Variants in SRRM2 observed in about 807,000 individuals in gnomAD.
The protein encoded by SRRM2 is serine/arginine repetitive matrix 2, also known as serine/arginine repetitive matrix protein 2.
A neutral mutation model predicts 213.8 loss-of-function variants in SRRM2; 30 were observed. The ratio of observed to expected loss-of-function variants is 0.14; its 90% CI spans 0.10 to 0.19. The LOEUF is 0.19. Among genes scored for constraint, SRRM2 ranks in the 10% least tolerant of loss-of-function variants. The pLI is 1.00. For synonymous variants in SRRM2, 2,025 were observed against 1,377.7 expected (o/e 1.47, Z -10.40); for missense variants, 4,904 against 3,647.0 (o/e 1.34, Z -8.88).
At chr16:2,768,856 A>G (rs886589772) in intron 11 of SRRM2, 141 bp from the exon 12 acceptor site, 7 of 1,522,804 alleles carry the variant, frequency 4.6e-6, no homozygotes, top group Non-Finnish European at 6.2e-6. Context: ...CTCTCCAGAG[A>G]ATTGCTGGCT....
In SRRM2 at chr16:2,759,231, C is replaced by T. The variant is rs1041867423; in HGVS notation, c.689+59C>T. On this transcript the variant is annotated intron_variant, in intron 7 of 14. Transcript: ENST00000301740. ...GCATGTGGAGTGGTGATTTTTTTTT[C>T]TTGGAGTGAAGCTCAATTCCTTGAT... 9.4e-6 allele frequency: 15 copies of T among 1,601,014 alleles called. No homozygotes were observed. The African/African-American group carries it at 1.5e-4, about 16-fold the overall frequency.
At chr16:2,759,520 C>G (rs370809600) in intron 8 of SRRM2, 49 bp from the exon 9 acceptor site, 1 of 1,607,654 alleles carries the variant, frequency 6.2e-7, no homozygotes. Context: ...GAGGAGAATC[C>G]AGGGCAGGTA....
At chr16:2,759,746 G>C (rs2068273364) in intron 9 of SRRM2, 85 bp downstream of exon 9, 9 of 1,300,038 alleles carry the variant, frequency 6.9e-6, no homozygotes, top group Non-Finnish European at 2.2e-6. Flanking sequence ...CGGTGTGCTA[G>C]GCGCTGCACA....
At position 2,764,984 on chromosome 16, in the gene SRRM2, C is replaced by G. The variant is rs147203120; in HGVS notation, c.4456C>G (p.Pro1486Ala). The change falls in exon 11 of 15, where the codon CCG (proline) becomes GCG (alanine). Residue 1486 changes from proline to alanine, a missense_variant. By Grantham distance (27) the Pro-to-Ala change is conservative. Coordinates refer to ENST00000301740, the MANE Select transcript of SRRM2 (RefSeq NM_016333.4). ...GRSECDSSPE[P>A]KALPQTPRPR... ...AAGCGAATGTGATTCTTCCCCAGAA[C>G]CGAAAGCTTTGCCTCAGACTCCTAG... The G allele has an allele frequency of 9.3e-6, 15 of 1,613,944 alleles. No individual in the cohort carries two copies. In the African/African-American group the frequency reaches 1.6e-4, roughly 17 times the overall value.
At chr16:2,770,493 C>T (rs1008926465) in intron 13 of SRRM2, 28 bp downstream of exon 13, 2 of 1,586,794 alleles carry the variant, frequency 1.3e-6, no homozygotes, top group Admixed American at 1.8e-5. Flanking sequence ...TGTCAGCACC[C>T]AGCCTGTCTG....
In SRRM2 at chr16:2,765,323, G is replaced by C; in HGVS notation, c.4795G>C (p.Gly1599Arg). Residue 1599 changes from glycine (G) to arginine (R), a missense_variant, in exon 11 of 15, where the codon GGT becomes CGT. Gly to Arg is a moderately radical substitution (Grantham distance 125). Transcript: ENST00000301740. ...SRLSPRRSRSGSSPEVKDKPR... is the reference protein window; with the variant it reads ...SRLSPRRSRSRSSPEVKDKPR... ...ACTATCCCCTCGGCGCAGTAGGTCT[G>C]GTTCCTCCCCTGAAGTGAAAGATAA... 1 of 1,614,122 alleles carries C rather than the reference G, an allele frequency of 6.2e-7. No individual in the cohort carries two copies. Among genetic ancestry groups the C allele is most frequent in the African/African-American group, 1.3e-5 (1 of 75,004 alleles).
At chr16:2,769,383 G>T in intron 12 of SRRM2, 99 bp downstream of exon 12, 1 of 1,378,178 alleles carries the variant, frequency 7.3e-7, no homozygotes, top group Non-Finnish European at 9.8e-7. Context: ...GTCTCACGTG[G>T]CCTTGGGCAT....
Position 2,765,867 on chromosome 16 carries a change from A to G in SRRM2, c.5339A>G (p.Glu1780Gly). The G allele has an allele frequency of 6.2e-7, 1 of 1,614,138 alleles. No individual in the cohort carries two copies. Residue 1780 changes from glutamate to glycine, a missense_variant, in exon 11 of 15, where the codon GAG becomes GGG. Physicochemically the swap from Glu to Gly is moderately conservative, Grantham distance 98. Transcript: ENST00000301740. Reference sequence around the variant, plus strand: ...AGGTCCCGTTCCCGCTCAAGGAGAGAGAAAACAAGAACAACCCGACGTCGA... The same window carrying G: ...AGGTCCCGTTCCCGCTCAAGGAGAGGGAAAACAAGAACAACCCGACGTCGA... ...LQRSRSRSRREKTRTTRRRDR... is the reference protein window; with the variant it reads ...LQRSRSRSRRGKTRTTRRRDR...
In SRRM2 at chr16:2,760,297, G is replaced by T; in HGVS notation, c.834-4G>T. 6.2e-7 allele frequency: 1 copy of T among 1,612,214 alleles called. No homozygotes were observed. The highest frequency in any genetic ancestry group is 8.5e-7 in the Non-Finnish European group (1 of 1,179,762). On this transcript the variant is annotated splice_polypyrimidine_tract_variant and splice_region_variant and intron_variant, in intron 9 of 14. Coordinates refer to ENST00000301740, the MANE Select transcript of SRRM2 (RefSeq NM_016333.4). Reference sequence around the variant, plus strand: ...TCTCCCACGTCCTCAATTAACTCCTGCAGGTCTCGAAGTGCTGCAGCTAAA... The same window carrying T: ...TCTCCCACGTCCTCAATTAACTCCTTCAGGTCTCGAAGTGCTGCAGCTAAA...
intron 14 of SRRM2, 69 bp downstream of exon 14, chr16:2,770,786 T>G: frequency 6.2e-7 from 1 of 1,610,568 alleles, no homozygotes; most frequent in Non-Finnish European, 8.5e-7. Flanking sequence ...GGCCCCATTT[T>G]GGGAGTGGCC....
Position 2,770,387 on chromosome 16 carries a change from G to C in SRRM2, c.8057G>C (p.Arg2686Thr), listed in dbSNP as rs1008457769. The change falls in exon 13 of 15, where the codon AGG becomes ACG. Residue 2686 changes from arginine to threonine, a missense_variant. Transcript: ENST00000301740. ...CCCCGGAAGCCAATAGACTCCCTCA[G>C]GGACTCTCGGTCCCTCAGCTACTCG... ...RSPRKPIDSLRDSRSLSYSPV... is the reference protein window; with the variant it reads ...RSPRKPIDSLTDSRSLSYSPV... The C allele has an allele frequency of 6.2e-7, 1 of 1,608,716 alleles. No individual in the cohort carries two copies. Among genetic ancestry groups the C allele is most frequent in the African/African-American group, 1.3e-5 (1 of 74,818 alleles).
rs2068463425 is a variant in SRRM2, at chr16:2,764,279, C to G, written c.3751C>G (p.Gln1251Glu). The change falls in exon 11 of 15, where the codon CAA becomes GAA. Residue 1251 changes from glutamine (Q) to glutamate (E), a missense_variant. By Grantham distance (29) the Gln-to-Glu change is conservative. Transcript: ENST00000301740. ...AGAGAAGTCTGAAGAACCCGCAGGC[C>G]AAATCCTGTCTCATTTGTCTTCAGA... ...VVEKSEEPAGQILSHLSSELK... is the reference protein window; with the variant it reads ...VVEKSEEPAGEILSHLSSELK... The G allele has an allele frequency of 9.3e-6, 15 of 1,613,904 alleles. No homozygotes were observed. Among genetic ancestry groups the G allele is most frequent in the Admixed American group, 1.7e-5 (1 of 59,986 alleles).
rs757289598 is a variant in SRRM2, at chr16:2,769,010, A to G, written c.7747A>G (p.Thr2583Ala). The change falls in exon 12 of 15, where the codon ACC becomes GCC. Residue 2583 changes from threonine (T) to alanine (A), a missense_variant. Coordinates refer to ENST00000301740, the MANE Select transcript of SRRM2 (RefSeq NM_016333.4). ...CTCCTCCCACAGGGTCCCCAGCCCC[A>G]CCCCAGCCCCAAAGGAGGCTGTTCG... ...EVALKRVPSPTPAPKEAVREG... is the reference protein window; with the variant it reads ...EVALKRVPSPAPAPKEAVREG... The G allele has an allele frequency of 1.2e-6, 2 of 1,612,934 alleles. No homozygotes were observed. Among genetic ancestry groups the G allele is most frequent in the Non-Finnish European group, 1.7e-6 (2 of 1,179,632 alleles).
chr16:2,765,439 A>G lies in SRRM2; in HGVS notation c.4911A>G (p.Arg1637=). The change falls in exon 11 of 15, where the codon AGA becomes AGG. Residue 1637 remains arginine (R), a synonymous_variant. Transcript: ENST00000301740. ...CTCGGGCCCTTCCCAGACGAAGCAG[A>G]TCAGGTTCATCAAGCAAAGGCAGAG... ...PAPRALPRRS[R]SGSSSKGRGP... is the part of the protein sequence containing the mutation. 6.2e-7 allele frequency: 1 copy of G among 1,614,130 alleles called. No individual in the cohort carries two copies. The highest frequency in any genetic ancestry group is 8.5e-7 in the Non-Finnish European group (1 of 1,180,028).
At position 2,759,369 on chromosome 16, in the gene SRRM2, G is replaced by A; in HGVS notation, c.707G>A (p.Ser236Asn). 6.3e-7 allele frequency: 1 copy of A among 1,598,418 alleles called. No homozygotes were observed. The highest frequency in any genetic ancestry group is 8.5e-7 in the Non-Finnish European group (1 of 1,175,966). ...TTTCCCAGGTCTCCCACTCCAAAGAGCAAACGTAAATCTAAGGACAAAAAG... is the reference window on the plus strand; with the variant it reads ...TTTCCCAGGTCTCCCACTCCAAAGAACAAACGTAAATCTAAGGACAAAAAG... ...KRKHRSPTPK[S>N]KRKSKDKKRK... The change falls in exon 8 of 15, where the codon AGC (serine) becomes AAC (asparagine). Residue 236 changes from serine (S) to asparagine (N), a missense_variant. Ser to Asn is a conservative substitution (Grantham distance 46). Coordinates refer to ENST00000301740, the MANE Select transcript of SRRM2 (RefSeq NM_016333.4).
intron 11 of SRRM2, chr16:2,768,670 C>T (rs996934680): frequency 1.8e-5 from 12 of 653,460 alleles, no homozygotes; most frequent in African/African-American, 1.1e-4. Context: ...TCACAGGGGC[C>T]TCCCCAAGCT....
At chr16:2,753,105 T>G (rs1275452818) in intron 1 of SRRM2, among the ~76,000 whole-genome samples, 1 of 146,106 alleles carries the variant, frequency 6.8e-6, no homozygotes, top group Admixed American at 6.9e-5. Flanking sequence ...CGAGCGCCCT[T>G]GGTGAGGGGG....
rs766179602 is a variant in SRRM2, at chr16:2,767,390, C to T, written c.6862C>T (p.Arg2288Cys). 5.6e-6 allele frequency: 9 copies of T among 1,613,910 alleles called. No homozygotes were observed. Among genetic ancestry groups the T allele is most frequent in the Non-Finnish European group, 7.6e-6 (9 of 1,180,032 alleles). The change falls in exon 11 of 15, where the codon CGC becomes TGC. Residue 2288 changes from arginine (R) to cysteine (C), a missense_variant. Transcript: ENST00000301740. ...TTCGGCTGTGAACCTGGCTGACCCTCGCACTCCCACAGCCCCAGCTGTGAA... is the reference window on the plus strand; with the variant it reads ...TTCGGCTGTGAACCTGGCTGACCCTTGCACTCCCACAGCCCCAGCTGTGAA... ...APSAVNLADPRTPTAPAVNLA... is the reference protein window; with the variant it reads ...APSAVNLADPCTPTAPAVNLA...
Position 2,767,783 on chromosome 16 carries a change from A to T in SRRM2, c.7255A>T (p.Met2419Leu), listed in dbSNP as rs1260938932. 9 of 1,613,802 alleles carry T rather than the reference A, an allele frequency of 5.6e-6. No individual in the cohort carries two copies. The East Asian group carries it at 1.8e-4, about 32-fold the overall frequency. ...TPPSAPSQSR[M>L]TSERAPSPSS... Reference sequence around the variant, plus strand: ...ACCGTCTGCCCCAAGCCAATCTAGGATGACCTCTGAACGGGCTCCCTCCCC... The same window carrying T: ...ACCGTCTGCCCCAAGCCAATCTAGGTTGACCTCTGAACGGGCTCCCTCCCC... Residue 2419 changes from methionine (M) to leucine (L), a missense_variant, in exon 11 of 15, where the codon ATG (methionine) becomes TTG (leucine). Transcript: ENST00000301740.
Sources: allele counts gnomAD v4.1 joint callset (sites outside exome capture counted in the v4.1 genomes callset), GRCh38; gene constraint gnomAD v4.1.1; transcripts MANE v1.5; gene names NCBI Gene and HGNC (gene_info 2026-07-23, HGNC 2026-07-21).